Variants in GALNT14 observed in about 807,000 individuals in gnomAD.
The protein encoded by GALNT14 is polypeptide N-acetylgalactosaminyltransferase 14, also known as UDP-GalNAc:polypeptide N-acetylgalactosaminyltransferase 14.
GALNT14 carries 60 observed loss-of-function variants against 77.5 expected under a neutral mutation model. The observed-to-expected ratio is 0.77, with a 90% CI of 0.63 to 0.96. GALNT14 has a LOEUF of 0.96. Ranked by LOEUF, GALNT14 falls within the 40% of genes least tolerant of loss-of-function variation. The pLI is 0.00. For missense variants in GALNT14, 710 were observed against 731.0 expected (o/e 0.97, Z 0.33); for synonymous variants, 280 against 281.7 (o/e 0.99, Z 0.06).
intron 1 of GALNT14, among the ~76,000 whole-genome samples, chr2:31,026,921 C>T (rs1672091264): frequency 7.8e-6 from 1 of 127,982 alleles, no homozygotes; most frequent in South Asian, 2.4e-4. Flanking sequence ...CAGTACACTA[C>T]ACAGCACGCA....
At chr2:30,899,336 C>G in the GALNT14 span, among the ~76,000 whole-genome samples, 14 of 152,338 alleles carry the variant, frequency 9.2e-5, no homozygotes, top group Middle Eastern at 3.4e-3. Context: ...GGGAAGGCTC[C>G]GCTCTGGGAA....
intron 1 of GALNT14, among the ~76,000 whole-genome samples, chr2:31,134,548 C>T (rs983818448): frequency 1.3e-5 from 2 of 152,240 alleles, no homozygotes; most frequent in Admixed American, 6.5e-5. Flanking sequence ...ACCAACGCCT[C>T]TGCAACCACC....
At chr2:31,027,148 C>G (rs1672109939) in intron 1 of GALNT14, among the ~76,000 whole-genome samples, 1 of 152,196 alleles carries the variant, frequency 6.6e-6, no homozygotes, top group Non-Finnish European at 1.5e-5. Context: ...AAAACAGGCC[C>G]TGGCCAGTTG....
At chr2:30,907,567 A>G (rs1164460643), downstream of GALNT14, among the ~76,000 whole-genome samples, 1 of 152,234 alleles carries the variant, frequency 6.6e-6, no homozygotes, top group Non-Finnish European at 1.5e-5. Context: ...GGCAATAATC[A>G]ATAGCTTACC....
intron 3 of GALNT14, among the ~76,000 whole-genome samples, chr2:30,960,686 C>A (rs1667642095): frequency 6.6e-6 from 1 of 152,074 alleles, no homozygotes; most frequent in African/African-American, 2.4e-5. Flanking sequence ...GTCCAAGGGA[C>A]CTAGCCTGGC....
chr2:31,089,993 C>T (rs1278374020), intron 1 of GALNT14, among the ~76,000 whole-genome samples: 1 of 152,218 alleles, frequency 6.6e-6, no homozygotes, highest in Non-Finnish European at 1.5e-5. Flanking sequence ...GGAAACAGAG[C>T]TGATCCAGAG....
At chr2:31,001,912 T>C (rs971311855) in intron 1 of GALNT14, among the ~76,000 whole-genome samples, 2 of 152,190 alleles carry the variant, frequency 1.3e-5, no homozygotes, top group African/African-American at 4.8e-5. Flanking sequence ...GCTGGGTCGA[T>C]TTGAAAAAGA....
chr2:30,896,992 C>CTCACA, the GALNT14 span, among the ~76,000 whole-genome samples: 575 of 152,284 alleles, frequency 3.8e-3, 3 homozygotes, highest in African/African-American at 0.013. Flanking sequence ...TCTTCCTCTT[C>CTCACA]TCACATCCTT....
chr2:30,929,097 C>T (rs1222808682), intron 11 of GALNT14, among the ~76,000 whole-genome samples: 1 of 152,182 alleles, frequency 6.6e-6, no homozygotes, highest in Non-Finnish European at 1.5e-5. Flanking sequence ...CTGTCTAGTC[C>T]TGCCTCCTTC....
At chr2:30,986,499 G>A (rs904775248) in intron 2 of GALNT14, among the ~76,000 whole-genome samples, 28 of 152,204 alleles carry the variant, frequency 1.8e-4, no homozygotes, top group African/African-American at 6.5e-4. Context: ...GTGATGGGAT[G>A]GAAGTGGGAT....
the GALNT14 span, among the ~76,000 whole-genome samples, chr2:30,894,325 T>G: frequency 6.6e-6 from 1 of 152,244 alleles, no homozygotes; most frequent in Non-Finnish European, 1.5e-5. Context: ...AATAATGATT[T>G]CTAAAGTTGT....
chr2:31,053,429 C>T (rs72854829), intron 1 of GALNT14, among the ~76,000 whole-genome samples: 5,238 of 152,158 alleles, frequency 0.034, 297 homozygotes, highest in African/African-American at 0.12. Flanking sequence ...TCTTCTCAAA[C>T]CCCAGTTTTT....
intron 1 of GALNT14, chr2:31,065,461 C>T (rs1674883982): frequency 6.6e-6 from 1 of 152,114 alleles, no homozygotes; most frequent in Admixed American, 6.6e-5. Flanking sequence ...AGAATTAAGG[C>T]AAATTAAATG....
Position 30,924,728 on chromosome 2 carries a change from T to G in GALNT14, c.1235+12A>C. On this transcript the variant is annotated intron_variant, in intron 12 of 14. Transcript: ENST00000349752. ...TTCAGCCAGCCAAAGCTCCAACAGG[T>G]AGGACGGATACCTGAGTTCAGGGTA... 1 of 1,612,536 alleles carries G rather than the reference T, an allele frequency of 6.2e-7. No individual in the cohort carries two copies. Among genetic ancestry groups the G allele is most frequent in the South Asian group, 1.1e-5 (1 of 90,974 alleles).
intron 1 of GALNT14, among the ~76,000 whole-genome samples, chr2:31,066,975 A>G (rs2148554422): frequency 6.6e-6 from 1 of 152,282 alleles, no homozygotes; most frequent in African/African-American, 2.4e-5. Context: ...CCTGGACATC[A>G]GCCTTTCCCT....
At chr2:30,918,489 A>C (rs1664819140) in intron 13 of GALNT14, among the ~76,000 whole-genome samples, 1 of 152,196 alleles carries the variant, frequency 6.6e-6, no homozygotes, top group South Asian at 2.1e-4. Flanking sequence ...CACGATGGTG[A>C]CCAGGGGGAG....
chr2:31,122,350 G>A lies in GALNT14; in HGVS notation c.129+15608C>T, dbSNP rs112102211. On this transcript the variant is annotated intron_variant, in intron 1 of 14. Transcript: ENST00000349752. The stretch of plus-strand genomic sequence containing the variant: ...AAGCCTCCAGAATCGCTGTGAAGCC[G>A]TGAGTAGAGGAATCCCCATCCCCAC... Among the ~76,000 whole-genome samples, 1,097 of 152,348 alleles carry A rather than the reference G, an allele frequency of 7.2e-3. 16 individuals carry two copies. The highest frequency in any genetic ancestry group is 0.025 in the African/African-American group (1,044 of 41,562).
intron 1 of GALNT14, among the ~76,000 whole-genome samples, chr2:30,994,502 G>A (rs1189259727): frequency 2.0e-5 from 3 of 152,158 alleles, no homozygotes. Flanking sequence ...GCATTCTCCT[G>A]CTAATAGCAT....
chr2:31,026,951 G>A (rs1471480781), intron 1 of GALNT14, among the ~76,000 whole-genome samples: 1 of 152,106 alleles, frequency 6.6e-6, no homozygotes, highest in Non-Finnish European at 1.5e-5. Context: ...GTGCAATGGA[G>A]ACCAACATTT....
Sources: gnomAD v4.1 joint callset for allele counts (sites outside exome capture counted in the v4.1 genomes callset) on GRCh38, gnomAD v4.1.1 for gene constraint, MANE v1.5 for transcripts, NCBI Gene and HGNC (gene_info 2026-07-23, HGNC 2026-07-21) for gene names.